The following ST7 variants were observed in gnomAD, a reference collection of about 807,000 sequenced individuals.
The protein encoded by ST7 is suppression of tumorigenicity 7.
A neutral mutation model predicts 78.7 loss-of-function variants in ST7; 28 were observed. That is an observed-to-expected ratio of 0.36 (90% CI 0.26 to 0.49). The LOEUF is 0.49. Among genes scored for constraint, ST7 ranks in the 20% least tolerant of loss-of-function variants. The pLI is 0.99. For synonymous variants in ST7, 247 were observed against 249.6 expected (o/e 0.99, Z 0.10); for missense variants, 418 against 696.0 (o/e 0.60, Z 4.49).
intron 1 of ST7, among the ~76,000 whole-genome samples, chr7:117,004,593 G>A (rs540435768): frequency 6.6e-6 from 1 of 152,036 alleles, no homozygotes; most frequent in African/African-American, 2.4e-5. Context: ...CCCGGGAGGC[G>A]GAGGTTGCAG....
At chr7:117,081,372 AT>A (rs753345260) in intron 1 of ST7, among the ~76,000 whole-genome samples, 1 of 152,154 alleles carries the variant, frequency 6.6e-6, no homozygotes, top group Non-Finnish European at 1.5e-5. Flanking sequence ...TTCTCAAATT[AT>A]TCATCTTTTT....
intron 1 of ST7, among the ~76,000 whole-genome samples, chr7:117,081,640 T>C (rs1445909655): frequency 3.3e-5 from 5 of 152,214 alleles, no homozygotes; most frequent in Admixed American, 3.3e-4. Context: ...CATGATTTGA[T>C]TCTTTTAGAA....
At chr7:117,124,163 AT>A (rs1398657382) in intron 3 of ST7, among the ~76,000 whole-genome samples, 1 of 152,184 alleles carries the variant, frequency 6.6e-6, no homozygotes, top group East Asian at 1.9e-4. Flanking sequence ...AAAAAAATAT[AT>A]TCAAGACCTT....
chr7:117,187,667 G>A (rs552370286), intron 10 of ST7: 2 of 152,138 alleles, frequency 1.3e-5, no homozygotes, highest in African/African-American at 2.4e-5. Flanking sequence ...GATCTTTCTT[G>A]TTGGGCAGCT....
At chr7:117,010,867 A>G (rs1795356479) in intron 1 of ST7, among the ~76,000 whole-genome samples, 1 of 152,232 alleles carries the variant, frequency 6.6e-6, no homozygotes, top group Admixed American at 6.5e-5. Flanking sequence ...AGGAGGGTAG[A>G]GGACCGTGGA....
intron 2 of ST7, among the ~76,000 whole-genome samples, chr7:117,101,397 C>A (rs1801557760): frequency 6.6e-6 from 1 of 152,150 alleles, no homozygotes. Flanking sequence ...CCAGCTCTTT[C>A]TCTACAAGAG....
At chr7:117,164,534 G>C (rs1451592508) in intron 9 of ST7, among the ~76,000 whole-genome samples, 1 of 152,060 alleles carries the variant, frequency 6.6e-6, no homozygotes, top group Non-Finnish European at 1.5e-5. Flanking sequence ...AGCTCAGAGA[G>C]GTAAATAATT....
intron 10 of ST7, among the ~76,000 whole-genome samples, chr7:117,171,259 C>T (rs146181863): frequency 3.3e-5 from 5 of 152,254 alleles, no homozygotes; most frequent in Non-Finnish European, 4.4e-5. Context: ...TGCTCTATTA[C>T]CTCTGCGGTC....
chr7:117,004,261 A>T (rs1438856606), intron 1 of ST7, among the ~76,000 whole-genome samples: 2 of 152,214 alleles, frequency 1.3e-5, no homozygotes, highest in Non-Finnish European at 2.9e-5. Flanking sequence ...ATAATCAGAG[A>T]TGTAAGTTGA....
At position 116,997,268 on chromosome 7, in the gene ST7, C is replaced by T. The variant is rs182753990; in HGVS notation, c.151+43577C>T. ...AAAGCTTCCACAGTGTGGAAGGGGA[C>T]CCGAGTGGGTTGCCACTGCTGGCTC... On this transcript the variant is annotated intron_variant, in intron 1 of 15. Coordinates refer to ENST00000323984, the MANE Select transcript of ST7 (RefSeq NM_001369598.1). 2.0e-3 allele frequency among the ~76,000 whole-genome samples: 303 copies of T among 152,230 alleles called. 2 individuals carry two copies. Among genetic ancestry groups the T allele is most frequent in the African/African-American group, 6.2e-3 (257 of 41,522 alleles).
At chr7:117,178,461 A>G (rs1808504066) in intron 10 of ST7, among the ~76,000 whole-genome samples, 1 of 151,898 alleles carries the variant, frequency 6.6e-6, no homozygotes, top group South Asian at 2.1e-4. Context: ...TTTCATCTCA[A>G]CCTCTGTGTA....
At chr7:117,052,660 C>T (rs1797844366) in intron 1 of ST7, among the ~76,000 whole-genome samples, 1 of 152,124 alleles carries the variant, frequency 6.6e-6, no homozygotes, top group Admixed American at 6.5e-5. Flanking sequence ...TTTGGGAGGC[C>T]GAGGCAGGTG....
At chr7:117,223,995 C>G (rs1793284900) in intron 15 of ST7, 10 of 954,554 alleles carry the variant, frequency 1.0e-5, no homozygotes, top group Non-Finnish European at 1.2e-5. Context: ...TACTTATAAT[C>G]ATAGCCTCTT....
chr7:117,165,135 A>G (rs1329909684), intron 9 of ST7, among the ~76,000 whole-genome samples: 1 of 152,196 alleles, frequency 6.6e-6, no homozygotes, highest in Non-Finnish European at 1.5e-5. Flanking sequence ...CTAGAATTTA[A>G]TCCTGCAGAA....
intron 1 of ST7, among the ~76,000 whole-genome samples, chr7:116,997,304 C>T (rs2116420402): frequency 6.6e-6 from 1 of 152,250 alleles, no homozygotes; most frequent in Non-Finnish European, 1.5e-5. Flanking sequence ...GGGCAGCCTA[C>T]TTTTATTCCC....
rs1366820221 is a variant in ST7, at chr7:116,953,592, T to C, written c.52T>C (p.Trp18Arg). 5 of 1,490,436 alleles carry C rather than the reference T, an allele frequency of 3.4e-6. No homozygotes were observed. Among genetic ancestry groups the C allele is most frequent in the Non-Finnish European group, 4.5e-6 (5 of 1,105,624 alleles). The allele number at this position is 1,490,436 out of a possible 1,614,324, so 92.3% of individuals were successfully genotyped here. Reference sequence around the variant, plus strand: ...GGAGCAGCTCAAGTCCTGCATAGTTTGGTCTTGGACGTATCTGTGGACCGT... The same window carrying C: ...GGAGCAGCTCAAGTCCTGCATAGTTCGGTCTTGGACGTATCTGTGGACCGT... The part of the protein sequence containing the change: ...FLEQLKSCIV[W>R]SWTYLWTVWF... The change falls in exon 1 of 16, where the codon TGG becomes CGG. Residue 18 changes from tryptophan to arginine, a missense_variant. Physicochemically the swap from Trp to Arg is moderately radical, Grantham distance 101. Coordinates refer to ENST00000323984, the MANE Select transcript of ST7 (RefSeq NM_001369598.1).
intron 7 of ST7, among the ~76,000 whole-genome samples, chr7:117,135,673 C>T (rs1357984647): frequency 1.3e-5 from 2 of 152,062 alleles, no homozygotes; most frequent in East Asian, 3.9e-4. Context: ...ATCACCATCA[C>T]TAGCTGACAT....
At chr7:117,096,575 G>A (rs1801062160) in intron 1 of ST7, among the ~76,000 whole-genome samples, 1 of 152,186 alleles carries the variant, frequency 6.6e-6, no homozygotes, top group South Asian at 2.1e-4. Context: ...GAGCTTGGGG[G>A]CAGGTTGACT....
intron 9 of ST7, among the ~76,000 whole-genome samples, chr7:117,144,582 G>A (rs981710212): frequency 2.0e-5 from 3 of 148,672 alleles, no homozygotes; most frequent in African/African-American, 7.5e-5. Flanking sequence ...GCAGTGAGCT[G>A]TAATCAGGCC....
Sources: gnomAD v4.1 joint callset for allele counts (sites outside exome capture counted in the v4.1 genomes callset) on GRCh38, gnomAD v4.1.1 for gene constraint, MANE v1.5 for transcripts, NCBI Gene and HGNC (gene_info 2026-07-23, HGNC 2026-07-21) for gene names.